PDLIM5: variants seen among roughly 807,000 people sequenced by gnomAD.
The protein encoded by PDLIM5 is PDZ and LIM domain 5.
In PDLIM5, 34 loss-of-function variants were observed where a neutral mutation model predicts 64.2. The ratio of observed to expected loss-of-function variants is 0.53; its 90% CI spans 0.40 to 0.71. The LOEUF (loss-of-function observed/expected upper bound fraction) is 0.71, where lower values mean the gene tolerates loss of function less well. PDLIM5 is among the 30% of genes least tolerant of loss of function. PDLIM5 has a pLI of 0.00. For synonymous variants in PDLIM5, 253 were observed against 269.1 expected (o/e 0.94, Z 0.59); for missense variants, 683 against 733.6 (o/e 0.93, Z 0.80).
Position 94,588,563 on chromosome 4 carries a change from CTAAATAAATAAA to C in PDLIM5, c.920+2151_920+2162del, listed in dbSNP as rs70946537. 7.0e-3 allele frequency among the ~76,000 whole-genome samples: 1,020 copies of C among 145,970 alleles called. 9 individuals are homozygous for C. Among genetic ancestry groups the C allele is most frequent in the African/African-American group, 0.015 (602 of 39,654 alleles). On this transcript the variant is annotated intron_variant, in intron 7 of 12. Coordinates refer to ENST00000317968, the MANE Select transcript of PDLIM5 (RefSeq NM_006457.5). ...GGGCAACAAGAGCGAAACTCCATCT[CTAAATAAATAAA>C]TAAATAAATAAATAAATAAATAAAT...
chr4:94,634,933 T>C (rs1333036620), intron 8 of PDLIM5, among the ~76,000 whole-genome samples: 2 of 152,246 alleles, frequency 1.3e-5, no homozygotes, highest in Non-Finnish European at 1.5e-5. Context: ...AACAAATTTA[T>C]ACATTGTATG....
intron 2 of PDLIM5, among the ~76,000 whole-genome samples, chr4:94,483,186 T>A (rs1726022615): frequency 6.6e-6 from 1 of 152,110 alleles, no homozygotes; most frequent in Non-Finnish European, 1.5e-5. Flanking sequence ...TCAGAAAAAG[T>A]AGCCCCTCAA....
chr4:94,466,378 T>C (rs1272869541), intron 2 of PDLIM5, among the ~76,000 whole-genome samples: 1 of 152,200 alleles, frequency 6.6e-6, no homozygotes, highest in Non-Finnish European at 1.5e-5. Flanking sequence ...GACTGACTAG[T>C]AGTCAGAATC....
At position 94,504,064 on chromosome 4, in the gene PDLIM5, A is replaced by G. The variant is rs181138895; in HGVS notation, c.97-19660A>G. 2.2e-3 allele frequency among the ~76,000 whole-genome samples: 334 copies of G among 152,266 alleles called. 2 individuals carry two copies. Among genetic ancestry groups the G allele is most frequent in the African/African-American group, 7.2e-3 (300 of 41,564 alleles). ...GGAGACCTCCTACTCCCTTGTTTCA[A>G]TCATTTACTAGTGTTATCACAGTCT... On this transcript the variant is annotated intron_variant, in intron 2 of 12. Coordinates refer to ENST00000317968, the MANE Select transcript of PDLIM5 (RefSeq NM_006457.5).
intron 3 of PDLIM5, among the ~76,000 whole-genome samples, chr4:94,536,669 TA>T (rs1266796253): frequency 1.3e-5 from 2 of 152,362 alleles, no homozygotes; most frequent in Admixed American, 1.3e-4. Context: ...TGTTGCCTGA[TA>T]AATTTAGAAA....
chr4:94,555,693 G>A (rs1733233348), intron 3 of PDLIM5, among the ~76,000 whole-genome samples: 1 of 151,608 alleles, frequency 6.6e-6, no homozygotes, highest in East Asian at 1.9e-4. Flanking sequence ...AGATTCATAT[G>A]GTAAATACAT....
At chr4:94,598,461 T>C (rs1175743119) in intron 7 of PDLIM5, among the ~76,000 whole-genome samples, 1 of 152,044 alleles carries the variant, frequency 6.6e-6, no homozygotes, top group East Asian at 1.9e-4. Context: ...GTTATATGAG[T>C]AGTTGATATT....
At chr4:94,523,169 G>A (rs902315586) in intron 2 of PDLIM5, among the ~76,000 whole-genome samples, 1 of 152,200 alleles carries the variant, frequency 6.6e-6, no homozygotes, top group African/African-American at 2.4e-5. Flanking sequence ...AGAGCAGGAA[G>A]CACACCCAGT....
At chr4:94,476,138 T>A (rs1725302625) in intron 2 of PDLIM5, among the ~76,000 whole-genome samples, 1 of 152,186 alleles carries the variant, frequency 6.6e-6, no homozygotes, top group South Asian at 2.1e-4. Context: ...ATGGATGCAC[T>A]TGATAATTTA....
chr4:94,475,787 G>C (rs1287320265), intron 2 of PDLIM5, among the ~76,000 whole-genome samples: 2 of 152,046 alleles, frequency 1.3e-5, no homozygotes, highest in Non-Finnish European at 1.5e-5. Flanking sequence ...AGAAAAAATA[G>C]TATCATATTT....
At chr4:94,534,177 T>C (rs1731123941) in intron 3 of PDLIM5, among the ~76,000 whole-genome samples, 1 of 152,212 alleles carries the variant, frequency 6.6e-6, no homozygotes, top group Non-Finnish European at 1.5e-5. Context: ...AGTTCTTCTT[T>C]ACTGTGGGTT....
chr4:94,582,009 G>T (rs1310623062), intron 5 of PDLIM5, among the ~76,000 whole-genome samples: 2 of 152,124 alleles, frequency 1.3e-5, no homozygotes, highest in South Asian at 4.1e-4. Flanking sequence ...GAATGAGGGT[G>T]GTATTAATGA....
chr4:94,656,388 C>A (rs1228874892), intron 10 of PDLIM5, among the ~76,000 whole-genome samples: 2 of 151,852 alleles, frequency 1.3e-5, no homozygotes, highest in Non-Finnish European at 1.5e-5. Flanking sequence ...AATATCTGGC[C>A]CAAATCTTTA....
intron 11 of PDLIM5, among the ~76,000 whole-genome samples, chr4:94,659,178 AG>A (rs1742452381): frequency 6.6e-6 from 1 of 152,094 alleles, no homozygotes; most frequent in Non-Finnish European, 1.5e-5. Context: ...TTCTTAACCC[AG>A]TTTCCTCTAT....
chr4:94,522,316 G>T (rs1273816280), intron 2 of PDLIM5, among the ~76,000 whole-genome samples: 1 of 151,484 alleles, frequency 6.6e-6, no homozygotes, highest in African/African-American at 2.4e-5. Flanking sequence ...AAATCATTAG[G>T]TTTTTTTTTA....
chr4:94,466,067 T>A (rs2126086041), intron 2 of PDLIM5, among the ~76,000 whole-genome samples: 1 of 152,150 alleles, frequency 6.6e-6, no homozygotes, highest in Non-Finnish European at 1.5e-5. Context: ...GTTCAAGTGA[T>A]CCTCCTACCT....
intron 7 of PDLIM5, among the ~76,000 whole-genome samples, chr4:94,606,354 G>C (rs1015269402): frequency 5.3e-5 from 8 of 152,150 alleles, no homozygotes; most frequent in African/African-American, 1.9e-4. Context: ...GGTGGCTTGG[G>C]GAATCAGGGA....
In PDLIM5 at chr4:94,636,724, A is replaced by G. The variant is rs549058496; in HGVS notation, c.1109-3552A>G. On this transcript the variant is annotated intron_variant, in intron 8 of 12. Transcript: ENST00000317968. ...AATTTTTTTTGTATTTTTAGTAGAG[A>G]CGGGGTTTCACCGTGTTAGCCAGGA... Among the ~76,000 whole-genome samples the G allele has an allele frequency of 9.1e-3, 1,382 of 151,996 alleles. 20 individuals carry two copies. Among genetic ancestry groups the G allele is most frequent in the African/African-American group, 0.03 (1,255 of 41,434 alleles).
intron 2 of PDLIM5, among the ~76,000 whole-genome samples, chr4:94,476,574 T>C (rs987976728): frequency 5.9e-5 from 9 of 152,188 alleles, no homozygotes; most frequent in Non-Finnish European, 1.2e-4. Flanking sequence ...ACATTCTTTA[T>C]GTAACAGTAC....
Sources: gnomAD v4.1 joint callset for allele counts (sites outside exome capture counted in the v4.1 genomes callset) on GRCh38, gnomAD v4.1.1 for gene constraint, MANE v1.5 for transcripts, NCBI Gene and HGNC (gene_info 2026-07-23, HGNC 2026-07-21) for gene names.